The following ROBO2 variants were observed in gnomAD, a reference collection of about 807,000 sequenced individuals.
ROBO2 encodes the protein roundabout homolog 2.
Under a neutral mutation model 160.8 loss-of-function variants are expected in ROBO2, and 53 were observed. That is an observed-to-expected ratio of 0.33 (90% confidence interval 0.26 to 0.41). The LOEUF (loss-of-function observed/expected upper bound fraction) is 0.41. ROBO2 is among the 10% of genes least tolerant of loss of function. ROBO2 has a pLI of 1.00. For synonymous variants in ROBO2, 664 were observed against 611.7 expected (o/e 1.09, Z -1.26); for missense variants, 1,577 against 1,722.4 (o/e 0.92, Z 1.49).
At chr3:76,107,976 A>G (rs1009798394) in intron 2 of ROBO2, among the ~76,000 whole-genome samples, 2 of 152,122 alleles carry the variant, frequency 1.3e-5, no homozygotes, top group African/African-American at 2.4e-5. Flanking sequence ...TCAGAAATGT[A>G]TAGGTAACCA....
At chr3:77,377,003 G>T (rs903232761) in intron 2 of ROBO2, among the ~76,000 whole-genome samples, 1 of 151,974 alleles carries the variant, frequency 6.6e-6, no homozygotes, top group African/African-American at 2.4e-5. Flanking sequence ...AAATTCCTAG[G>T]CCAGGTTTAT....
At chr3:77,104,498 T>C (rs921365595) in intron 2 of ROBO2, among the ~76,000 whole-genome samples, 7 of 152,078 alleles carry the variant, frequency 4.6e-5, no homozygotes, top group Non-Finnish European at 1.0e-4. Flanking sequence ...TTACTCCCAC[T>C]TTTTTTCTGC....
intron 17 of ROBO2, among the ~76,000 whole-genome samples, chr3:77,591,802 T>C (rs932166201): frequency 2.6e-5 from 4 of 152,166 alleles, no homozygotes; most frequent in Non-Finnish European, 4.4e-5. Context: ...CAACCCTTCT[T>C]ACAGCTTCAA....
At chr3:76,725,297 C>G (rs954337631) in intron 2 of ROBO2, among the ~76,000 whole-genome samples, 1 of 152,016 alleles carries the variant, frequency 6.6e-6, no homozygotes, top group African/African-American at 2.4e-5. Context: ...TTTAATACAT[C>G]TCTCTCTAAA....
At chr3:77,174,870 C>A (rs2079982974) in intron 2 of ROBO2, among the ~76,000 whole-genome samples, 2 of 152,022 alleles carry the variant, frequency 1.3e-5, no homozygotes, top group Non-Finnish European at 2.9e-5. Flanking sequence ...TTATGTTTAG[C>A]TTTGGATTTC....
chr3:77,564,406 C>T (rs1468513893), intron 11 of ROBO2: 18 of 453,976 alleles, frequency 4.0e-5, no homozygotes, highest in Non-Finnish European at 7.1e-5. Context: ...AACAATGTAA[C>T]CAAGGGAAAA....
intron 2 of ROBO2, among the ~76,000 whole-genome samples, chr3:76,603,351 A>AAAAAAAATATAT (rs1553826368): frequency 3.8e-5 from 1 of 26,406 alleles, no homozygotes; most frequent in African/African-American, 2.4e-4. Flanking sequence ...AAAAAAAAAA[A>AAAAAAAATATAT]ATATATATAT....
chr3:77,219,901 A>C (rs2085549623), intron 2 of ROBO2, among the ~76,000 whole-genome samples: 1 of 149,212 alleles, frequency 6.7e-6, no homozygotes, highest in Admixed American at 6.7e-5. Context: ...TTTAAGACAA[A>C]GTTCTTTAGT....
chr3:77,129,019 A>G (rs947239149), intron 2 of ROBO2, among the ~76,000 whole-genome samples: 1 of 152,080 alleles, frequency 6.6e-6, no homozygotes, highest in Admixed American at 6.5e-5. Flanking sequence ...TTGCGTGAGT[A>G]TTGGCTTAAT....
At position 76,853,360 on chromosome 3, in the gene ROBO2, A is replaced by G. The variant is rs116202590; in HGVS notation, c.110-244654A>G. 4.9e-3 allele frequency among the ~76,000 whole-genome samples: 746 copies of G among 152,182 alleles called. 7 individuals carry two copies. The highest frequency in any genetic ancestry group is 0.017 in the African/African-American group (714 of 41,562). ...TCACAAATTTCAATCTAACACATGG[A>G]TTTATTCTAAGACTTGTTCTAAGTA... On this transcript the variant is annotated intron_variant, in intron 2 of 26. Transcript: ENST00000487694.
intron 2 of ROBO2, among the ~76,000 whole-genome samples, chr3:76,159,776 A>G (rs1559601651): frequency 6.6e-6 from 1 of 152,218 alleles, no homozygotes; most frequent in Non-Finnish European, 1.5e-5. Context: ...TCTTTAGTCC[A>G]TCCCTAAAGA....
chr3:76,595,990 T>C (rs192769720), intron 2 of ROBO2, among the ~76,000 whole-genome samples: 103 of 152,190 alleles, frequency 6.8e-4, no homozygotes, highest in East Asian at 5.4e-3. Flanking sequence ...GCTCATGGTG[T>C]AACATACACA....
chr3:76,032,550 T>A (rs2066960588), intron 2 of ROBO2, among the ~76,000 whole-genome samples: 1 of 152,212 alleles, frequency 6.6e-6, no homozygotes, highest in Non-Finnish European at 1.5e-5. Context: ...AATTCTGGTA[T>A]GTTGTGTCTT....
chr3:76,413,325 G>A (rs2075592891), intron 2 of ROBO2, among the ~76,000 whole-genome samples: 1 of 152,180 alleles, frequency 6.6e-6, no homozygotes, highest in African/African-American at 2.4e-5. Flanking sequence ...CAAATGCTAT[G>A]GACTCCTGCT....
intron 2 of ROBO2, among the ~76,000 whole-genome samples, chr3:77,168,056 A>C (rs1191732493): frequency 6.6e-6 from 1 of 152,210 alleles, no homozygotes; most frequent in Admixed American, 6.5e-5. Context: ...GTAATGTGCC[A>C]ATTTGGTTCT....
At chr3:76,795,429 T>TG (rs2063625274) in intron 2 of ROBO2, among the ~76,000 whole-genome samples, 1 of 152,154 alleles carries the variant, frequency 6.6e-6, no homozygotes, top group Non-Finnish European at 1.5e-5. Flanking sequence ...TAATTTTATG[T>TG]AGTATTCTAA....
At chr3:77,069,775 A>AG (rs1159981316) in intron 1 of ROBO2, among the ~76,000 whole-genome samples, 2 of 152,118 alleles carry the variant, frequency 1.3e-5, no homozygotes, top group East Asian at 3.9e-4. Flanking sequence ...AGAGTCCTTG[A>AG]GGGGGAGAGA....
At chr3:76,161,128 G>C (rs1384789898) in intron 2 of ROBO2, among the ~76,000 whole-genome samples, 1 of 151,324 alleles carries the variant, frequency 6.6e-6, no homozygotes, top group Non-Finnish European at 1.5e-5. Flanking sequence ...TTCCTTTTTT[G>C]GGTGTTACTA....
rs375422954 is a variant in ROBO2 at position 77,496,294 on chromosome 3, CTG to C, written c.806+2913_806+2914del. Among the ~76,000 whole-genome samples, 38 of 152,250 alleles carry C rather than the reference CTG, an allele frequency of 2.5e-4. No homozygotes were observed. The East Asian group carries it at 7.0e-3, about 28-fold the overall frequency. On this transcript the variant is annotated intron_variant, in intron 5 of 25. Transcript: ENST00000461745. ...AGCAAGGATAAGTGCAATGTAGAAA[CTG>C]AGGTCAGTATTTCATCATGAAAGAA...
Sources: allele counts gnomAD v4.1 joint callset (sites outside exome capture counted in the v4.1 genomes callset), GRCh38; gene constraint gnomAD v4.1.1; transcripts MANE v1.5; gene names NCBI Gene and HGNC (gene_info 2026-07-23, HGNC 2026-07-21).